SOX5: variants seen among roughly 807,000 people sequenced by gnomAD.
The protein encoded by SOX5 is SRY-box transcription factor 5.
In SOX5, 9 loss-of-function variants were observed where a neutral mutation model predicts 92.0. The observed-to-expected ratio is 0.10, with a 90% CI of 0.06 to 0.17. The LOEUF (loss-of-function observed/expected upper bound fraction) is 0.17, where lower values mean the gene tolerates loss of function less well. SOX5 is among the 10% of genes least tolerant of loss of function. The pLI is 1.00. For synonymous variants in SOX5, 344 were observed against 336.3 expected, an observed-to-expected ratio of 1.02 and a Z score of -0.25; for missense variants, 642 against 944.5, an observed-to-expected ratio of 0.68 and a Z score of 4.20.
chr12:23,573,169 C>T (rs1166813954), intron 10 of SOX5, among the ~76,000 whole-genome samples: 1 of 152,022 alleles, frequency 6.6e-6, no homozygotes, highest in African/African-American at 2.4e-5. Flanking sequence ...ACTCTTCTTC[C>T]TCTCCCCCCT....
chr12:24,183,509 C>G (rs1055635156), intron 4 of SOX5, among the ~76,000 whole-genome samples: 6 of 152,106 alleles, frequency 3.9e-5, no homozygotes, highest in African/African-American at 1.4e-4. Context: ...AGGGTTTCCT[C>G]AACTAAGTTG....
chr12:24,561,597 G>A (rs1756946091), intron 1 of SOX5, among the ~76,000 whole-genome samples: 1 of 152,112 alleles, frequency 6.6e-6, no homozygotes, highest in African/African-American at 2.4e-5. Flanking sequence ...CACAACACGT[G>A]AGTGGTCTTC....
Position 23,531,056 on chromosome 12 carries a change from C to T in SOX5, c.*3163G>A, listed in dbSNP as rs910272741. 1 of 152,062 alleles carries T rather than the reference C, an allele frequency of 6.6e-6. No individual in the cohort carries two copies. 9.4% of individuals were successfully genotyped at this position (152,062 alleles called of 1,614,324 possible). ...CAATGCCAAAAAGGCAATGTAGTAA[C>T]ACAGTAAGTTGCTATTCATAGCACC... is the stretch of plus-strand genomic sequence containing the variant. On this transcript the variant is annotated 3_prime_UTR_variant, in exon 15 of 15. Transcript: ENST00000451604.
intron 1 of SOX5, among the ~76,000 whole-genome samples, chr12:24,417,104 G>A (rs189463351): frequency 2.0e-5 from 3 of 152,264 alleles, no homozygotes; most frequent in African/African-American, 7.2e-5. Flanking sequence ...GGGTTATTGA[G>A]GACCATTCCA....
intron 6 of SOX5, among the ~76,000 whole-genome samples, chr12:23,706,827 G>A (rs886368535): frequency 5.9e-5 from 9 of 151,662 alleles, no homozygotes; most frequent in African/African-American, 2.2e-4. Flanking sequence ...ATTTCTCTGT[G>A]GATGTTATAT....
At chr12:24,172,094 C>A (rs185367912) in intron 4 of SOX5, among the ~76,000 whole-genome samples, 1 of 123,694 alleles carries the variant, frequency 8.1e-6, no homozygotes, top group African/African-American at 2.8e-5. Context: ...TGTGTGTGTG[C>A]GTGCGCGCGT....
At chr12:23,695,765 C>G (rs998676774) in intron 6 of SOX5, among the ~76,000 whole-genome samples, 1 of 151,540 alleles carries the variant, frequency 6.6e-6, no homozygotes, top group Non-Finnish European at 1.5e-5. Flanking sequence ...CACGGTGAAA[C>G]CCCGTCTCTA....
At chr12:23,999,875 C>G (rs1951432519) in intron 4 of SOX5, among the ~76,000 whole-genome samples, 1 of 151,752 alleles carries the variant, frequency 6.6e-6, no homozygotes. Context: ...ATAATAAATA[C>G]TAAAGAAAGT....
intron 2 of SOX5, among the ~76,000 whole-genome samples, chr12:24,330,190 A>G (rs1286631370): frequency 1.3e-5 from 2 of 152,228 alleles, no homozygotes; most frequent in Admixed American, 1.3e-4. Context: ...ATGCAGACAT[A>G]AAAAAATTTC....
chr12:24,410,614 C>A (rs940528972), intron 1 of SOX5, among the ~76,000 whole-genome samples: 6 of 152,096 alleles, frequency 3.9e-5, no homozygotes, highest in South Asian at 2.1e-4. Flanking sequence ...AAAAATTGGT[C>A]TAATATGTTG....
chr12:24,054,058 C>G (rs1352739298), intron 4 of SOX5, among the ~76,000 whole-genome samples: 1 of 152,122 alleles, frequency 6.6e-6, no homozygotes, highest in South Asian at 2.1e-4. Context: ...CAAGAAAAAT[C>G]GAAAGATGCA....
chr12:23,898,844 T>A (rs1396403110), intron 1 of SOX5, among the ~76,000 whole-genome samples: 1 of 152,194 alleles, frequency 6.6e-6, no homozygotes, highest in Non-Finnish European at 1.5e-5. Flanking sequence ...TATTTATAAT[T>A]CAGGTAAAAG....
At chr12:24,354,169 T>C (rs1342181456) in intron 2 of SOX5, among the ~76,000 whole-genome samples, 1 of 152,192 alleles carries the variant, frequency 6.6e-6, no homozygotes, top group Non-Finnish European at 1.5e-5. Context: ...GTAGACCCAA[T>C]CATGTCTGGA....
At chr12:24,538,598 AACACACACACACACAC>A (rs60114784) in intron 1 of SOX5, among the ~76,000 whole-genome samples, 18 of 143,850 alleles carry the variant, frequency 1.3e-4, no homozygotes, top group East Asian at 8.4e-4. Context: ...GCTGGATCTA[AACACACACACACACAC>A]ACACACACAC....
At chr12:24,068,749 C>CACATATATATATATAT (rs1941302324) in intron 4 of SOX5, among the ~76,000 whole-genome samples, 1 of 72,528 alleles carries the variant, frequency 1.4e-5, no homozygotes, top group Non-Finnish European at 2.8e-5. Flanking sequence ...TATATATATA[C>CACATATATATATATAT]ACACACACAC....
At chr12:24,346,419 T>C (rs1376372062) in intron 2 of SOX5, among the ~76,000 whole-genome samples, 2 of 152,078 alleles carry the variant, frequency 1.3e-5, no homozygotes, top group African/African-American at 4.8e-5. Context: ...GGATAGGTCT[T>C]CTTCAGAGTT....
chr12:24,264,999 A>T (rs112165960), intron 3 of SOX5, among the ~76,000 whole-genome samples: 1 of 152,234 alleles, frequency 6.6e-6, no homozygotes, highest in Non-Finnish European at 1.5e-5. Flanking sequence ...GGGGAGGCAT[A>T]TCAACCCGAA....
At chr12:23,735,250 A>G (rs944483908) in intron 5 of SOX5, among the ~76,000 whole-genome samples, 2 of 152,088 alleles carry the variant, frequency 1.3e-5, no homozygotes, top group Admixed American at 6.5e-5. Flanking sequence ...GCCCCTTACC[A>G]CCAACTCAGT....
intron 7 of SOX5, among the ~76,000 whole-genome samples, chr12:23,662,684 A>C (rs1400511085): frequency 6.6e-6 from 1 of 152,166 alleles, no homozygotes; most frequent in Non-Finnish European, 1.5e-5. Context: ...TAGGTTCCTT[A>C]AACTGTGTTT....
Sources: allele counts gnomAD v4.1 joint callset (sites outside exome capture counted in the v4.1 genomes callset), GRCh38; gene constraint gnomAD v4.1.1; transcripts MANE v1.5; gene names NCBI Gene and HGNC (gene_info 2026-07-23, HGNC 2026-07-21).